DENND1B: variants seen among roughly 807,000 people sequenced by gnomAD.
DENND1B encodes the protein DENN domain containing 1B, also known as DENN domain-containing protein 1B.
DENND1B carries 59 observed loss-of-function variants against 90.1 expected under a neutral mutation model. The ratio of observed to expected loss-of-function variants is 0.65; its 90% CI spans 0.53 to 0.81. The LOEUF is 0.81. DENND1B is among the 40% of genes least tolerant of loss of function. The pLI is 0.00. For synonymous variants in DENND1B, 337 were observed against 324.6 expected (o/e 1.04, Z -0.41); for missense variants, 862 against 912.6 (o/e 0.94, Z 0.71).
At chr1:197,524,798 C>A (rs1356865873) in intron 20 of DENND1B, among the ~76,000 whole-genome samples, 1 of 152,126 alleles carries the variant, frequency 6.6e-6, no homozygotes, top group East Asian at 1.9e-4. Flanking sequence ...CCATTATGTT[C>A]ACAATGCATT....
intron 2 of DENND1B, among the ~76,000 whole-genome samples, chr1:197,738,267 A>G (rs1662897048): frequency 6.6e-6 from 1 of 152,174 alleles, no homozygotes; most frequent in Non-Finnish European, 1.5e-5. Flanking sequence ...TTAAGGTGCT[A>G]TTTTTCTCAT....
chr1:197,672,912 C>G (rs1655666169), intron 4 of DENND1B, among the ~76,000 whole-genome samples: 1 of 152,054 alleles, frequency 6.6e-6, no homozygotes, highest in South Asian at 2.1e-4. Context: ...TTTCCTAGTA[C>G]TGGCTGTAAT....
intron 10 of DENND1B, among the ~76,000 whole-genome samples, chr1:197,623,650 T>C (rs1318475759): frequency 6.6e-6 from 1 of 151,552 alleles, no homozygotes; most frequent in African/African-American, 2.4e-5. Context: ...ATGTCCCATG[T>C]TCTCCCTGCC....
intron 2 of DENND1B, among the ~76,000 whole-genome samples, chr1:197,733,075 C>T (rs541939551): frequency 6.6e-6 from 1 of 152,076 alleles, no homozygotes; most frequent in Admixed American, 6.5e-5. Flanking sequence ...GGGAAAAAAA[C>T]AATGAAGAAA....
intron 5 of DENND1B, among the ~76,000 whole-genome samples, chr1:197,669,367 C>T (rs1403863738): frequency 6.6e-6 from 1 of 152,062 alleles, no homozygotes; most frequent in Non-Finnish European, 1.5e-5. Flanking sequence ...GGACTAAAAG[C>T]ACCATAACTC....
intron 5 of DENND1B, among the ~76,000 whole-genome samples, chr1:197,663,541 T>G (rs1654629858): frequency 6.6e-6 from 1 of 152,096 alleles, no homozygotes; most frequent in Non-Finnish European, 1.5e-5. Context: ...TGTACTGTTG[T>G]TTAATTAAAT....
At chr1:197,739,022 G>A (rs1662970728) in intron 2 of DENND1B, among the ~76,000 whole-genome samples, 1 of 152,180 alleles carries the variant, frequency 6.6e-6, no homozygotes, top group Non-Finnish European at 1.5e-5. Context: ...AGCTGCAGAA[G>A]GTTCACCACC....
intron 10 of DENND1B, among the ~76,000 whole-genome samples, chr1:197,640,547 A>G (rs1680179526): frequency 1.3e-5 from 2 of 152,080 alleles, no homozygotes; most frequent in East Asian, 3.9e-4. Flanking sequence ...TTCTATGCAG[A>G]TATCATTCTA....
intron 15 of DENND1B, among the ~76,000 whole-genome samples, chr1:197,560,442 T>C (rs945251377): frequency 4.0e-5 from 6 of 151,854 alleles, no homozygotes; most frequent in African/African-American, 1.4e-4. Flanking sequence ...GAGAATAAGA[T>C]AGACTTCCTA....
At chr1:197,522,906 A>T (rs1172366958) in intron 20 of DENND1B, among the ~76,000 whole-genome samples, 2 of 152,158 alleles carry the variant, frequency 1.3e-5, no homozygotes, top group African/African-American at 4.8e-5. Context: ...TAAGGTCTTA[A>T]AGGCCAACCA....
intron 15 of DENND1B, among the ~76,000 whole-genome samples, chr1:197,555,361 G>C (rs976448687): frequency 9.2e-5 from 14 of 151,914 alleles, no homozygotes; most frequent in African/African-American, 3.1e-4. Context: ...TTGAAAATTG[G>C]GGCCCAATTA....
At chr1:197,541,301 A>T (rs1313056922) in intron 18 of DENND1B, among the ~76,000 whole-genome samples, 5 of 152,214 alleles carry the variant, frequency 3.3e-5, no homozygotes, top group African/African-American at 1.2e-4. Context: ...CACAAAAGGA[A>T]TAAACCAGAT....
At chr1:197,775,037 C>T in intron 1 of DENND1B, 102 bp downstream of exon 1, 1 of 851,198 alleles carries the variant, frequency 1.2e-6, no homozygotes, top group Non-Finnish European at 1.6e-6. Flanking sequence ...CCTCGGCCGC[C>T]CGGGGAGCCG....
intron 2 of DENND1B, among the ~76,000 whole-genome samples, chr1:197,721,304 C>T (rs191583824): frequency 1.3e-5 from 2 of 151,752 alleles, no homozygotes; most frequent in Admixed American, 6.6e-5. Flanking sequence ...CTCCTGACCT[C>T]GTGATCCGCC....
intron 2 of DENND1B, among the ~76,000 whole-genome samples, chr1:197,768,506 T>C (rs1208637551): frequency 1.3e-5 from 2 of 152,190 alleles, no homozygotes; most frequent in Non-Finnish European, 2.9e-5. Context: ...AGGCCATCAC[T>C]GCTGGCTGTA....
intron 12 of DENND1B, among the ~76,000 whole-genome samples, chr1:197,609,980 G>A (rs538697762): frequency 1.6e-4 from 24 of 150,582 alleles, no homozygotes; most frequent in Non-Finnish European, 2.8e-4. Context: ...GAAAAAATCC[G>A]CCTAATAGTG....
chr1:197,637,877 G>A (rs1315076641), intron 10 of DENND1B, among the ~76,000 whole-genome samples: 3 of 152,164 alleles, frequency 2.0e-5, no homozygotes, highest in Admixed American at 1.3e-4. Context: ...CTAGGAAGCA[G>A]GACTACGTAA....
At chr1:197,645,483 A>G (rs1239169566) in intron 9 of DENND1B, among the ~76,000 whole-genome samples, 2 of 151,938 alleles carry the variant, frequency 1.3e-5, no homozygotes, top group African/African-American at 4.8e-5. Flanking sequence ...CTTATCCACA[A>G]CCAGATATTA....
chr1:197,556,954 A>C (rs1671770684), intron 15 of DENND1B, among the ~76,000 whole-genome samples: 1 of 151,942 alleles, frequency 6.6e-6, no homozygotes, highest in African/African-American at 2.4e-5. Context: ...TGAACTGAGT[A>C]AATGTTGTGG....
Sources: gnomAD v4.1 joint callset for allele counts (sites outside exome capture counted in the v4.1 genomes callset) on GRCh38, gnomAD v4.1.1 for gene constraint, MANE v1.5 for transcripts, NCBI Gene and HGNC (gene_info 2026-07-23, HGNC 2026-07-21) for gene names.